Variants in PDZD7 observed in about 807,000 individuals in gnomAD.
The protein encoded by PDZD7 is PDZ domain-containing protein 7.
In PDZD7, 72 loss-of-function variants were observed where a neutral mutation model predicts 84.7. The observed-to-expected ratio is 0.85, with a 90% CI of 0.70 to 1.03. PDZD7 has a LOEUF of 1.03. Ranked by LOEUF, PDZD7 falls within the 50% of genes least tolerant of loss-of-function variation. The pLI is 0.00. For synonymous variants in PDZD7, 594 were observed against 580.7 expected, an observed-to-expected ratio of 1.02 and a Z score of -0.33; for missense variants, 1,490 against 1,412.9, an observed-to-expected ratio of 1.05 and a Z score of -0.87.
At position 101,010,254 on chromosome 10, in the gene PDZD7, A is replaced by G; in HGVS notation, c.2617+18T>C. 6.6e-7 allele frequency: 1 copy of G among 1,507,068 alleles called. No individual in the cohort carries two copies. Among genetic ancestry groups the G allele is most frequent in the South Asian group, 1.2e-5 (1 of 82,794 alleles). The allele number at this position is 1,507,068 out of a possible 1,614,324, so 93.4% of individuals were successfully genotyped here. A position where few individuals can be genotyped will look rare whatever the true frequency, so the allele number is the denominator to read the frequency against. ...CTTCCTAGTGTCCTCTGCCGGGCCC[A>G]GTCCCACGTGGACTCACCTAAGGAC... On this transcript the variant is annotated intron_variant, in intron 15 of 16. Coordinates refer to ENST00000619208, the MANE Select transcript of PDZD7 (RefSeq NM_001195263.2).
At position 101,008,319 on chromosome 10, in the gene PDZD7, AG is replaced by A; in HGVS notation, c.*147del. 3 of 820,722 alleles carry A rather than the reference AG, an allele frequency of 3.7e-6. No individual in the cohort carries two copies. Among genetic ancestry groups the A allele is most frequent in the Non-Finnish European group, 5.6e-6 (3 of 539,832 alleles). The allele number at this position is 820,722 out of a possible 1,614,324, so 50.8% of individuals were successfully genotyped here. ...AGCCTTAATGACAGCTGAGGAGGGAAGAAAGTGGAAAGATGTGAGCCACCAG... is the reference window on the plus strand; with the variant it reads ...AGCCTTAATGACAGCTGAGGAGGGAAAAAGTGGAAAGATGTGAGCCACCAG... On this transcript the variant is annotated 3_prime_UTR_variant, in exon 17 of 17. Transcript: ENST00000619208.
intron 13 of PDZD7, 32 bp downstream of exon 13, chr10:101,011,893 A>G: frequency 6.5e-7 from 1 of 1,549,446 alleles, no homozygotes; most frequent in East Asian, 2.4e-5. Flanking sequence ...AGCAGGGCTC[A>G]GGACCCAGAA....
intron 9 of PDZD7, chr10:101,017,843 GAAA>G (rs1590056426): frequency 7.1e-5 from 20 of 282,048 alleles, no homozygotes; most frequent in Middle Eastern, 8.5e-4. Flanking sequence ...AGGAAGGAAA[GAAA>G]GAAAGAAAGA....
At chr10:101,022,000 C>T (rs369914982) in intron 5 of PDZD7, 55 bp from the exon 6 acceptor site, 7 of 1,601,076 alleles carry the variant, frequency 4.4e-6, no homozygotes, top group Non-Finnish European at 6.0e-6. Flanking sequence ...TCCGTTACCC[C>T]ACTCCAGACC....
intron 4 of PDZD7, chr10:101,023,167 G>A (rs935938561): frequency 7.8e-6 from 4 of 510,978 alleles, no homozygotes; most frequent in African/African-American, 5.9e-5. Flanking sequence ...CCTGTAGAGA[G>A]GTGGTGTTTT....
Position 101,015,678 on chromosome 10 carries a change from C to G in PDZD7, c.1707G>C (p.Leu569=). The G allele has an allele frequency of 6.4e-7, 1 of 1,550,438 alleles. No individual in the cohort carries two copies. Among genetic ancestry groups the G allele is most frequent in the South Asian group, 1.2e-5 (1 of 84,050 alleles). ...TGACAGCCAGCACCTCGTCATCAGTCAGCAGCCTCTGGGCCAGGTCCTGAA... is the reference window on the plus strand; with the variant it reads ...TGACAGCCAGCACCTCGTCATCAGTGAGCAGCCTCTGGGCCAGGTCCTGAA... ...PLIQDLAQRL[L]TDDEVLAVTR... Residue 569 remains leucine, a synonymous_variant, in exon 11 of 17, where the codon CTG becomes CTC. Transcript: ENST00000619208.
chr10:101,009,339 A>C lies in PDZD7; in HGVS notation c.2629T>G (p.Ser877Ala), dbSNP rs937643817. ...TGCACCTTGGACTCAATGCCCCCAGAAATGCTGATACCTAGTGACAGGGAG... is the reference window on the plus strand; with the variant it reads ...TGCACCTTGGACTCAATGCCCCCAGCAATGCTGATACCTAGTGACAGGGAG... The part of the protein sequence containing the change: ...KMKQSLGISI[S>A]GGIESKVQPM... Residue 877 changes from serine to alanine, a missense_variant, in exon 16 of 17, where the codon TCT becomes GCT. Ser to Ala is a moderately conservative substitution (Grantham distance 99). Transcript: ENST00000619208. 2.9e-5 allele frequency: 44 copies of C among 1,535,830 alleles called. No homozygotes were observed. The highest frequency in any genetic ancestry group is 9.8e-5 in the East Asian group (4 of 40,926).
At chr10:101,023,795 C>T (rs1176196320) in intron 3 of PDZD7, 133 bp downstream of exon 3, 1 of 1,513,560 alleles carries the variant, frequency 6.6e-7, no homozygotes, top group African/African-American at 1.4e-5. Flanking sequence ...GAGGGTTGGC[C>T]CTGTCTCCCC....
chr10:101,023,579 G>A lies in PDZD7; in HGVS notation c.399C>T (p.Ile133=). The A allele has an allele frequency of 6.2e-7, 1 of 1,613,494 alleles. No individual in the cohort carries two copies. Among genetic ancestry groups the A allele is most frequent in the African/African-American group, 1.3e-5 (1 of 75,036 alleles). ...ERAGLCVGDK[I]TEVNGLSLES... ...CCAGGCTCAGCCCATTCACCTCCGT[G>A]ATCTTGTCCCCCACGCACAGGCCAG... Residue 133 remains isoleucine, a synonymous_variant, in exon 4 of 17, where the codon ATC becomes ATT. Transcript: ENST00000619208.
intron 11 of PDZD7, among the ~76,000 whole-genome samples, chr10:101,013,093 G>A (rs1852456548): frequency 6.6e-6 from 1 of 152,226 alleles, no homozygotes; most frequent in Non-Finnish European, 1.5e-5. Flanking sequence ...TTGGTGGTCA[G>A]AGTGAGTCAT....
rs1403258901 is a variant in PDZD7 at position 101,008,476 on chromosome 10, G to T, written c.3093C>A (p.Arg1031=). 10 of 1,514,452 alleles carry T rather than the reference G, an allele frequency of 6.6e-6. No homozygotes were observed. Among genetic ancestry groups the T allele is most frequent in the Non-Finnish European group, 8.8e-6 (10 of 1,135,076 alleles). The allele number at this position is 1,514,452 out of a possible 1,614,324, so 93.8% of individuals were successfully genotyped here. A position where few individuals can be genotyped will look rare whatever the true frequency, so the allele number is the denominator to read the frequency against. ...GAGGTTAGGGGGAGGGTCATGGGAT[G>T]CGTGGGGAGGGTGCGGGCTTAGAAT... ...TPDSKPAPSP[R]IP is the part of the protein sequence containing the mutation. Residue 1031 remains arginine, a synonymous_variant, in exon 17 of 17, where the codon CGC becomes CGA. Transcript: ENST00000619208.
rs1313019850 is a variant in PDZD7 at position 101,030,349 on chromosome 10, C to A, written c.-130G>T. The stretch of plus-strand genomic sequence containing the variant: ...GGGGTCTCAGTAACGTGAAGGCCCT[C>A]GCTTGCGATGCCTCTCAGAAGTGTG... On this transcript the variant is annotated 5_prime_UTR_variant, in exon 2 of 17. Transcript: ENST00000619208. 5 of 789,000 alleles carry A rather than the reference C, an allele frequency of 6.3e-6. No individual in the cohort carries two copies. The highest frequency in any genetic ancestry group is 1.7e-5 in the African/African-American group (1 of 58,876). The allele number at this position is 789,000 out of a possible 1,614,324, so 48.9% of individuals were successfully genotyped here.
rs1852590009 is a variant in PDZD7, at chr10:101,015,723, C to G, written c.1662G>C (p.Trp554Cys). 1.9e-6 allele frequency: 3 copies of G among 1,550,278 alleles called. No individual in the cohort carries two copies. The highest frequency in any genetic ancestry group is 1.2e-5 in the South Asian group (1 of 84,054). Residue 554 changes from tryptophan (W) to cysteine (C), a missense_variant, in exon 11 of 17, where the codon TGG becomes TGC. Physicochemically the swap from Trp to Cys is radical, Grantham distance 215. Coordinates refer to ENST00000619208, the MANE Select transcript of PDZD7 (RefSeq NM_001195263.2). Reference protein sequence around the residue: ...LPNVDEQVQAWESRRPLIQDL... With the variant: ...LPNVDEQVQACESRRPLIQDL... ...CCTGAATGAGGGGCCGCCGGCTCTC[C>G]CAGGCCTGAACCTGCTCATCCACAT...
Position 101,008,532 on chromosome 10 carries a change from G to A in PDZD7, c.3037C>T (p.Pro1013Ser). 6.5e-7 allele frequency: 1 copy of A among 1,534,992 alleles called. No homozygotes were observed. Among genetic ancestry groups the A allele is most frequent in the Non-Finnish European group, 8.7e-7 (1 of 1,146,504 alleles). Residue 1013 changes from proline (P) to serine (S), a missense_variant, in exon 17 of 17, where the codon CCA (proline) becomes TCA (serine). Pro to Ser is a moderately conservative substitution (Grantham distance 74, BLOSUM62 -1). Coordinates refer to ENST00000619208, the MANE Select transcript of PDZD7 (RefSeq NM_001195263.2). ...DARLLQPTPS[P>S]APSPALQTPD... is the part of the protein sequence containing the mutation. ...GTCTGGAGGGCTGGGGAGGGGGCTG[G>A]GCTGGGAGTTGGCTGGAGGAGCCTG...
rs1355095137 is a variant in PDZD7, at chr10:101,010,429, G to T, written c.2460C>A (p.Pro820=). 6.5e-7 allele frequency: 1 copy of T among 1,536,024 alleles called. No individual in the cohort carries two copies. The highest frequency in any genetic ancestry group is 2.0e-5 in the Admixed American group (1 of 50,978). Residue 820 remains proline (P), a synonymous_variant, in exon 15 of 17, where the codon CCC becomes CCA. Coordinates refer to ENST00000619208, the MANE Select transcript of PDZD7 (RefSeq NM_001195263.2). ...GRYHKPRKAR[P]PLPRPLDGEA... is the part of the protein sequence containing the mutation. ...CCCCATCCAGAGGTCGTGGCAGAGG[G>T]GGTCTGGCCTTCCGAGGCTTGTGGT...
rs1564632539 is a variant in PDZD7, at chr10:101,017,883, GAAA to G, written c.1522+213_1522+215del. The G allele has an allele frequency of 1.8e-4, 42 of 236,294 alleles. 1 individual carries two copies. The highest frequency in any genetic ancestry group is 2.4e-4 in the South Asian group (4 of 16,556). 14.6% of individuals were successfully genotyped at this position (236,294 alleles called of 1,614,324 possible). ...AGAAAGAAAGAAAGAAAGAAAGAAA[GAAA>G]GAAAGAAAAGAAAGAAAGAAAGAAA... On this transcript the variant is annotated intron_variant, in intron 9 of 16. Coordinates refer to ENST00000619208, the MANE Select transcript of PDZD7 (RefSeq NM_001195263.2).
At chr10:101,018,778 C>T (rs1460686245) in intron 8 of PDZD7, 44 bp downstream of exon 8, 29 of 1,536,568 alleles carry the variant, frequency 1.9e-5, no homozygotes, top group Non-Finnish European at 2.5e-5. Flanking sequence ...AGGTTTTGGA[C>T]CAGAGGCTGT....
In PDZD7 at chr10:101,025,754, G is replaced by A. The variant is rs536348123; in HGVS notation, c.227-1686C>T. Among the ~76,000 whole-genome samples, 413 of 150,560 alleles carry A rather than the reference G, an allele frequency of 2.7e-3. 2 individuals carry two copies. Among genetic ancestry groups the A allele is most frequent in the Middle Eastern group, 6.8e-3 (2 of 292 alleles). On this transcript the variant is annotated intron_variant, in intron 2 of 16. Transcript: ENST00000619208. ...AGTAGAGACGGGGTTTCACCGTGTT[G>A]GCCAGGATTGTTTTGATCTCCTGAC...
intron 4 of PDZD7, chr10:101,023,070 C>G (rs1219901212): frequency 1.6e-5 from 2 of 127,274 alleles, no homozygotes; most frequent in African/African-American, 1.4e-4. Flanking sequence ...CCATGCCCGG[C>G]TTTTTTTTTT....
Sources: gnomAD v4.1 joint callset for allele counts (sites outside exome capture counted in the v4.1 genomes callset) on GRCh38, gnomAD v4.1.1 for gene constraint, MANE v1.5 for transcripts, NCBI Gene and HGNC (gene_info 2026-07-23, HGNC 2026-07-21) for gene names.